The following RBMS2 variants were observed in gnomAD, a reference collection of about 807,000 sequenced individuals.
RBMS2 encodes the protein RNA-binding motif, single-stranded-interacting protein 2.
RBMS2 carries 38 observed loss-of-function variants against 58.4 expected under a neutral mutation model. That is an observed-to-expected ratio of 0.65 (90% CI 0.50 to 0.85). The LOEUF is 0.85. RBMS2 is among the 40% of genes least tolerant of loss of function. RBMS2 has a pLI of 0.00. For synonymous variants in RBMS2, 151 were observed against 180.7 expected (o/e 0.84, Z 1.32); for missense variants, 367 against 503.7 (o/e 0.73, Z 2.60).
intron 5 of RBMS2, among the ~76,000 whole-genome samples, chr12:56,578,256 G>A (rs1883432534): frequency 6.6e-6 from 1 of 152,058 alleles, no homozygotes; most frequent in Non-Finnish European, 1.5e-5. Flanking sequence ...AGCCTCCCAA[G>A]TAGCTGGGAT....
chr12:56,538,073 C>A (rs1875271301), intron 1 of RBMS2, among the ~76,000 whole-genome samples: 1 of 151,758 alleles, frequency 6.6e-6, no homozygotes, highest in Non-Finnish European at 1.5e-5. Context: ...GCTCTTTTTG[C>A]CCAGGCTGGA....
intron 1 of RBMS2, among the ~76,000 whole-genome samples, chr12:56,554,236 C>G (rs1488526042): frequency 6.6e-6 from 1 of 152,164 alleles, no homozygotes; most frequent in African/African-American, 2.4e-5. Context: ...TTTCCCCTAT[C>G]AGCTGTCAAG....
chr12:56,589,417 G>T lies in RBMS2; in HGVS notation c.*284G>T. On this transcript the variant is annotated 3_prime_UTR_variant, in exon 14 of 14. Transcript: ENST00000262031. ...TCTTCTTTTGCAAAGAAAGCTTTTT[G>T]TTTTTAACTGCAACGTACTTTTCCC... The T allele has an allele frequency of 1.4e-6, 1 of 717,506 alleles. No individual in the cohort carries two copies. Among genetic ancestry groups the T allele is most frequent in the Non-Finnish European group, 1.9e-6 (1 of 536,570 alleles). 44.4% of individuals were successfully genotyped at this position (717,506 alleles called of 1,614,324 possible). A position where few individuals can be genotyped will look rare whatever the true frequency, so the allele number is the denominator to read the frequency against.
In RBMS2 at chr12:56,558,862, T is replaced by C. The variant is rs186925411; in HGVS notation, c.67-3555T>C. Among the ~76,000 whole-genome samples, 399 of 151,890 alleles carry C rather than the reference T, an allele frequency of 2.6e-3. 2 individuals are homozygous for C. Among genetic ancestry groups the C allele is most frequent in the African/African-American group, 9.4e-3 (390 of 41,462 alleles). On this transcript the variant is annotated intron_variant, in intron 1 of 13. Transcript: ENST00000262031. ...GGATCCGCCTGCTTCAGCCTCCCAA[T>C]TTGCTGGGATTACAGGCTTAAGCCA... is the stretch of plus-strand genomic sequence containing the variant.
At chr12:56,575,074 G>C (rs971358975) in intron 5 of RBMS2, among the ~76,000 whole-genome samples, 3 of 152,032 alleles carry the variant, frequency 2.0e-5, no homozygotes, top group Non-Finnish European at 4.4e-5. Flanking sequence ...GTGTGAACCC[G>C]GGAGGCGGAG....
intron 1 of RBMS2, among the ~76,000 whole-genome samples, chr12:56,542,644 G>A (rs1024905157): frequency 3.9e-4 from 58 of 150,266 alleles, no homozygotes; most frequent in African/African-American, 1.4e-3. Flanking sequence ...AACCTCCTCG[G>A]CTCAAGTGAT....
intron 9 of RBMS2, among the ~76,000 whole-genome samples, chr12:56,583,054 T>C (rs1407547654): frequency 2.0e-5 from 3 of 152,240 alleles, no homozygotes; most frequent in Admixed American, 2.0e-4. Flanking sequence ...TTATATTTCA[T>C]GCTGCAGATA....
intron 5 of RBMS2, among the ~76,000 whole-genome samples, chr12:56,575,403 C>T (rs1272418744): frequency 6.6e-6 from 1 of 152,044 alleles, no homozygotes; most frequent in Non-Finnish European, 1.5e-5. Flanking sequence ...CACCACTGCA[C>T]TCTGGCCTGG....
chr12:56,530,321 G>A (rs1246455975), intron 1 of RBMS2, among the ~76,000 whole-genome samples: 4 of 150,272 alleles, frequency 2.7e-5, no homozygotes, highest in Admixed American at 1.3e-4. Context: ...AGAGGATAGC[G>A]GTGCTGTCAA....
intron 1 of RBMS2, among the ~76,000 whole-genome samples, chr12:56,544,279 A>T (rs1876729819): frequency 6.6e-6 from 1 of 152,128 alleles, no homozygotes. Context: ...TTGTCTCAAA[A>T]AAAAACCCAT....
intron 5 of RBMS2, among the ~76,000 whole-genome samples, chr12:56,573,476 C>CAAAA (rs71081382): frequency 9.9e-4 from 59 of 59,656 alleles, no homozygotes; most frequent in African/African-American, 3.2e-3. Context: ...GACGCCATCT[C>CAAAA]AAAAAAAAAA....
intron 1 of RBMS2, among the ~76,000 whole-genome samples, chr12:56,538,008 C>T (rs530834644): frequency 6.9e-6 from 1 of 144,374 alleles, no homozygotes; most frequent in Admixed American, 7.3e-5. Flanking sequence ...TATTCAAGTC[C>T]TTTGCTTATT....
At chr12:56,582,406 G>C (rs1326395203) in intron 9 of RBMS2, among the ~76,000 whole-genome samples, 1 of 152,088 alleles carries the variant, frequency 6.6e-6, no homozygotes, top group Admixed American at 6.6e-5. Context: ...TGTAGCATTT[G>C]TCATATTTTT....
upstream of RBMS2, among the ~76,000 whole-genome samples, chr12:56,520,995 A>C (rs1184744582): frequency 2.0e-5 from 3 of 152,352 alleles, no homozygotes; most frequent in East Asian, 5.8e-4. Flanking sequence ...AGAATCTGAA[A>C]TAGGAGTGAG....
At chr12:56,542,660 C>T (rs1482470542) in intron 1 of RBMS2, among the ~76,000 whole-genome samples, 2 of 150,684 alleles carry the variant, frequency 1.3e-5, no homozygotes, top group Non-Finnish European at 2.9e-5. Context: ...GTGATCCTCA[C>T]AGGTCAGCCT....
intron 4 of RBMS2, 71 bp from the exon 5 acceptor site, chr12:56,571,627 T>A: frequency 7.1e-7 from 1 of 1,398,794 alleles, no homozygotes; most frequent in Non-Finnish European, 9.5e-7. Context: ...GAAATGTCAT[T>A]TGTGGGGAGG....
chr12:56,581,406 C>A lies in RBMS2; in HGVS notation c.630C>A (p.Ser210=). The A allele has an allele frequency of 6.2e-7, 1 of 1,614,154 alleles. No individual in the cohort carries two copies. The highest frequency in any genetic ancestry group is 8.5e-7 in the Non-Finnish European group (1 of 1,180,014). Residue 210 remains serine (S), a synonymous_variant, in exon 7 of 14, where the codon TCC becomes TCA. Transcript: ENST00000262031. ...TGCCTTCTCTCTCGGCAGCCCCATC[C>A]GATCCCTTGCTTTGCAAATTTGCTG... is the stretch of plus-strand genomic sequence containing the variant. ...IKTPPGVPAP[S]DPLLCKFADG...
chr12:56,588,787 T>C, intron 12 of RBMS2, 145 bp from the exon 13 acceptor site: 1 of 733,120 alleles, frequency 1.4e-6, no homozygotes. Context: ...GAAGTGGTGG[T>C]GTGGGTGGAA....
rs139941491 is a variant in RBMS2 at position 56,568,238 on chromosome 12, GT to G, written c.234-731del. Among the ~76,000 whole-genome samples the G allele has an allele frequency of 2.8e-3, 422 of 152,254 alleles. 3 individuals carry two copies. Among genetic ancestry groups the G allele is most frequent in the African/African-American group, 9.6e-3 (399 of 41,560 alleles). Reference sequence around the variant, plus strand: ...ATATCAGAGAAGAAAAATGTCTATAGTTTTTTCATAGGATCAGTGGTGTTTT... The same window carrying G: ...ATATCAGAGAAGAAAAATGTCTATAGTTTTTCATAGGATCAGTGGTGTTTT... On this transcript the variant is annotated intron_variant, in intron 2 of 13. Transcript: ENST00000262031.
Sources: allele counts gnomAD v4.1 joint callset (sites outside exome capture counted in the v4.1 genomes callset), GRCh38; gene constraint gnomAD v4.1.1; transcripts MANE v1.5; gene names NCBI Gene and HGNC (gene_info 2026-07-23, HGNC 2026-07-21).